The following JAK2 variants were observed in gnomAD, a reference collection of about 807,000 sequenced individuals.
JAK2 encodes the protein tyrosine-protein kinase JAK2.
JAK2 carries 86 observed loss-of-function variants against 139.3 expected under a neutral mutation model. The ratio of observed to expected loss-of-function variants is 0.62; its 90% CI spans 0.52 to 0.74. JAK2 has a LOEUF of 0.74. Among genes scored for constraint, JAK2 ranks in the 30% least tolerant of loss-of-function variants. The pLI, the probability that JAK2 is intolerant of heterozygous loss-of-function variation, is 0.00. For missense variants in JAK2, 1,421 were observed against 1,360.3 expected, an observed-to-expected ratio of 1.04 and a Z score of -0.70; for synonymous variants, 490 against 437.7, an observed-to-expected ratio of 1.12 and a Z score of -1.49.
At chr9:5,095,522 C>A (rs959423254) in intron 22 of JAK2, among the ~76,000 whole-genome samples, 1 of 152,030 alleles carries the variant, frequency 6.6e-6, no homozygotes, top group Non-Finnish European at 1.5e-5. Flanking sequence ...TTAATAATAA[C>A]AGCCCTAGTA....
In JAK2 at chr9:5,054,073, G is replaced by A. The variant is rs1330849938; in HGVS notation, c.615-490G>A. Among the ~76,000 whole-genome samples, 1 of 151,906 alleles carries A rather than the reference G, an allele frequency of 6.6e-6. No homozygotes were observed. Among genetic ancestry groups the A allele is most frequent in the African/African-American group, 2.4e-5 (1 of 41,384 alleles). On this transcript the variant is annotated intron_variant, in intron 6 of 24. Coordinates refer to ENST00000381652, the MANE Select transcript of JAK2 (RefSeq NM_004972.4). The surrounding 1 kb of genome is among the most constrained non-coding windows in gnomAD (Gnocchi z 4.9). ...AAAGGAATTATTAGGAGTTGAAGCT[G>A]GCCTAACAAAATAATATACAGAAGT...
intron 8 of JAK2, among the ~76,000 whole-genome samples, chr9:5,061,688 A>G (rs898365204): frequency 3.3e-5 from 5 of 152,198 alleles, no homozygotes; most frequent in African/African-American, 7.2e-5. Flanking sequence ...TCACTTTCTT[A>G]TAATTTATGT....
intron 21 of JAK2, 80 bp downstream of exon 21, chr9:5,090,650 A>ATAGAT: frequency 6.6e-7 from 1 of 1,512,528 alleles, no homozygotes; most frequent in East Asian, 2.3e-5. Flanking sequence ...AGACGTTTTC[A>ATAGAT]TAGATAATAA....
chr9:5,085,209 T>C, intron 19 of JAK2: 1 of 664,380 alleles, frequency 1.5e-6, no homozygotes, highest in Non-Finnish European at 2.9e-6. Flanking sequence ...CATTCATTTC[T>C]GGGAACTGCT....
intron 2 of JAK2, among the ~76,000 whole-genome samples, chr9:5,018,322 T>G (rs964776391): frequency 1.3e-5 from 2 of 152,004 alleles, no homozygotes; most frequent in African/African-American, 4.8e-5. Context: ...AATTGTCCTT[T>G]TTGTTTGTTT....
At position 5,083,615 on chromosome 9, in the gene JAK2, T is replaced by G. The variant is rs138257030; in HGVS notation, c.2571+1754T>G. Among the ~76,000 whole-genome samples, 828 of 152,298 alleles carry G rather than the reference T, an allele frequency of 5.4e-3. 8 individuals carry two copies. Among genetic ancestry groups the G allele is most frequent in the African/African-American group, 0.019 (792 of 41,558 alleles). Reference sequence around the variant, plus strand: ...TTTCCTTGACTTAAAAAAAGTTCCTTTAGATCCCAATAGATTACTAGGCAC... The same window carrying G: ...TTTCCTTGACTTAAAAAAAGTTCCTGTAGATCCCAATAGATTACTAGGCAC... On this transcript the variant is annotated intron_variant, in intron 19 of 24. Coordinates refer to ENST00000381652, the MANE Select transcript of JAK2 (RefSeq NM_004972.4).
intron 2 of JAK2, among the ~76,000 whole-genome samples, chr9:5,010,135 T>A (rs1821598066): frequency 6.6e-6 from 1 of 152,208 alleles, no homozygotes. Flanking sequence ...CTACTTTTGA[T>A]CTTCCTGGAA....
chr9:5,032,878 G>A (rs190002422), intron 4 of JAK2, among the ~76,000 whole-genome samples: 6 of 152,160 alleles, frequency 3.9e-5, no homozygotes, highest in Admixed American at 1.3e-4. Flanking sequence ...TACCAGCAAC[G>A]GAACAAAGCC....
At chr9:5,013,432 A>G (rs960150202) in intron 2 of JAK2, among the ~76,000 whole-genome samples, 2 of 152,248 alleles carry the variant, frequency 1.3e-5, no homozygotes, top group Non-Finnish European at 2.9e-5. Flanking sequence ...TATTAAAGGT[A>G]AACATTTAAA....
At chr9:5,037,240 C>T (rs1017543209) in intron 4 of JAK2, among the ~76,000 whole-genome samples, 10 of 152,072 alleles carry the variant, frequency 6.6e-5, no homozygotes, top group Admixed American at 2.0e-4. Context: ...GAAATAGGAA[C>T]ATTTTTACAC....
At chr9:5,092,094 T>C (rs569952130) in intron 22 of JAK2, among the ~76,000 whole-genome samples, 73 of 152,246 alleles carry the variant, frequency 4.8e-4, no homozygotes, top group African/African-American at 1.7e-3. Context: ...CCTAAGGTTA[T>C]AAAGTAAGCA....
intron 3 of JAK2, among the ~76,000 whole-genome samples, chr9:5,023,255 A>G (rs1822552599): frequency 6.6e-6 from 1 of 152,204 alleles, no homozygotes; most frequent in Admixed American, 6.5e-5. Context: ...AGAACTTGTT[A>G]TATTTGTCTT....
chr9:5,053,520 G>A (rs1817562212), intron 6 of JAK2, among the ~76,000 whole-genome samples: 1 of 151,898 alleles, frequency 6.6e-6, no homozygotes, highest in Non-Finnish European at 1.5e-5. Flanking sequence ...TTTGTGTCTT[G>A]TGCCATGTGG....
intron 9 of JAK2, among the ~76,000 whole-genome samples, chr9:5,066,298 GGTA>G (rs1818564088): frequency 6.6e-6 from 1 of 152,016 alleles, no homozygotes; most frequent in Non-Finnish European, 1.5e-5. Context: ...TAACTGCTAT[GGTA>G]GTAGAGATAT....
Position 5,044,432 on chromosome 9 carries a change from G to C in JAK2, c.380G>C (p.Gly127Ala), listed in dbSNP as rs56118985. ...TACTTTCCTCGTTGGTATTGCAGTG[G>C]CAGCAACAGAGCCTATCGGCATGGA... is the stretch of plus-strand genomic sequence containing the variant. ...RFYFPRWYCS[G>A]SNRAYRHGIS... The change falls in exon 5 of 25, where the codon GGC (glycine) becomes GCC (alanine). Residue 127 changes from glycine (G) to alanine (A), a missense_variant. Transcript: ENST00000381652. 5 of 1,612,244 alleles carry C rather than the reference G, an allele frequency of 3.1e-6. No homozygotes were observed. In the South Asian group the frequency reaches 5.5e-5, roughly 18 times the overall value.
At chr9:5,031,822 C>T (rs765993460) in intron 4 of JAK2, among the ~76,000 whole-genome samples, 1 of 152,182 alleles carries the variant, frequency 6.6e-6, no homozygotes, top group Non-Finnish European at 1.5e-5. Flanking sequence ...CTACAGCTCC[C>T]AGCATGGGCG....
chr9:5,062,906 C>A (rs886742019), intron 8 of JAK2, among the ~76,000 whole-genome samples: 2 of 151,926 alleles, frequency 1.3e-5, no homozygotes, highest in African/African-American at 4.8e-5. Context: ...GACTAGTTTT[C>A]TTTTTTTATT....
chr9:5,025,949 A>G (rs534856583), intron 3 of JAK2, among the ~76,000 whole-genome samples: 1 of 151,734 alleles, frequency 6.6e-6, no homozygotes, highest in Non-Finnish European at 1.5e-5. Context: ...TTGTTCTAGC[A>G]CTCTTTGTCT....
chr9:5,060,983 CAG>C (rs1490764178), intron 8 of JAK2, among the ~76,000 whole-genome samples: 2 of 152,228 alleles, frequency 1.3e-5, no homozygotes, highest in African/African-American at 4.8e-5. Context: ...ACATCTCTGT[CAG>C]AGCGCTTGGG....
Sources: allele counts gnomAD v4.1 joint callset (sites outside exome capture counted in the v4.1 genomes callset), GRCh38; gene constraint gnomAD v4.1.1; non-coding constraint Gnocchi (gnomAD v3.1); transcripts MANE v1.5; gene names NCBI Gene and HGNC (gene_info 2026-07-23, HGNC 2026-07-21).